The following PRIM2 variants were observed in gnomAD, a reference collection of about 807,000 sequenced individuals.
The protein encoded by PRIM2 is DNA primase large subunit.
Under a neutral mutation model 67.3 loss-of-function variants are expected in PRIM2, and 39 were observed. The observed-to-expected ratio is 0.58, with a 90% CI of 0.45 to 0.76. PRIM2 has a LOEUF of 0.76. Ranked by LOEUF, PRIM2 falls within the 30% of genes least tolerant of loss-of-function variation. The probability of loss-of-function intolerance (pLI) is 0.00; values close to 1 mark genes in which losing one functional copy is unlikely to be tolerated. For synonymous variants in PRIM2, 143 were observed against 198.7 expected, an observed-to-expected ratio of 0.72 and a Z score of 2.36; for missense variants, 398 against 598.7, an observed-to-expected ratio of 0.66 and a Z score of 3.50.
the PRIM2 span, among the ~76,000 whole-genome samples, chr6:57,258,136 G>A: frequency 6.6e-6 from 1 of 152,148 alleles, no homozygotes; most frequent in Non-Finnish European, 1.5e-5. Flanking sequence ...GAAGAAACAA[G>A]ACATTCGACT....
At chr6:57,479,997 G>T (rs1473236405) in intron 7 of PRIM2, among the ~76,000 whole-genome samples, 2 of 152,212 alleles carry the variant, frequency 1.3e-5, no homozygotes, top group African/African-American at 4.8e-5. Flanking sequence ...CAATTTGAAA[G>T]GGACCTGAGA....
intron 4 of PRIM2, among the ~76,000 whole-genome samples, chr6:57,324,979 A>T (rs1767796584): frequency 6.6e-6 from 1 of 152,178 alleles, no homozygotes; most frequent in Admixed American, 6.5e-5. Context: ...TATGTTGCTG[A>T]CAATCTGTGA....
At chr6:57,335,261 G>T (rs1265221912) in intron 5 of PRIM2, among the ~76,000 whole-genome samples, 10 of 151,580 alleles carry the variant, frequency 6.6e-5, no homozygotes, top group African/African-American at 9.7e-5. Flanking sequence ...AGATCAAACT[G>T]CAAGGCAGCA....
intron 10 of PRIM2, among the ~76,000 whole-genome samples, chr6:57,569,060 G>A (rs1410572893): frequency 6.6e-6 from 1 of 152,244 alleles, no homozygotes; most frequent in Non-Finnish European, 1.5e-5. Flanking sequence ...TTATGAGGGA[G>A]TACAGTGATG....
intron 5 of PRIM2, among the ~76,000 whole-genome samples, chr6:57,347,224 A>C (rs1162355622): frequency 4.6e-5 from 7 of 152,146 alleles, no homozygotes; most frequent in Non-Finnish European, 1.0e-4. Flanking sequence ...TTCTGTATGA[A>C]TATTGGAAAA....
chr6:57,495,359 A>G (rs1272609626), intron 7 of PRIM2, among the ~76,000 whole-genome samples: 2 of 152,246 alleles, frequency 1.3e-5, no homozygotes, highest in Non-Finnish European at 2.9e-5. Context: ...AACATTTTCA[A>G]CATCTACAAA....
intron 8 of PRIM2, among the ~76,000 whole-genome samples, chr6:57,513,052 A>G (rs1312419461): frequency 1.3e-5 from 2 of 152,174 alleles, no homozygotes; most frequent in East Asian, 1.9e-4. Context: ...TTAGACTTAC[A>G]ATAATATAAA....
chr6:57,297,989 AAGGTCGAT>A, the PRIM2 span, among the ~76,000 whole-genome samples: 1 of 152,224 alleles, frequency 6.6e-6, no homozygotes, highest in Non-Finnish European at 1.5e-5. Context: ...GGGATAGCTG[AAGGTCGAT>A]AGGTAATTTT....
the PRIM2 span, among the ~76,000 whole-genome samples, chr6:57,268,702 A>G: frequency 6.6e-6 from 1 of 151,742 alleles, no homozygotes; most frequent in Admixed American, 6.6e-5. Flanking sequence ...TTACATATGT[A>G]TACATGTGTC....
At chr6:57,332,460 A>G (rs939873135) in intron 5 of PRIM2, among the ~76,000 whole-genome samples, 6 of 152,130 alleles carry the variant, frequency 3.9e-5, no homozygotes, top group Non-Finnish European at 7.4e-5. Flanking sequence ...CATTATTGAA[A>G]GTGGGGTACT....
the PRIM2 span, among the ~76,000 whole-genome samples, chr6:57,254,534 C>G: frequency 1.3e-5 from 2 of 152,184 alleles, no homozygotes; most frequent in African/African-American, 4.8e-5. Context: ...AAAAGCTGAT[C>G]GAGCTAGTGC....
intron 7 of PRIM2, among the ~76,000 whole-genome samples, chr6:57,490,894 A>T (rs1466336237): frequency 1.3e-5 from 2 of 152,220 alleles, no homozygotes; most frequent in African/African-American, 4.8e-5. Flanking sequence ...GAGTCAATGC[A>T]TCTGGCCCGG....
At chr6:57,273,636 C>A in the PRIM2 span, among the ~76,000 whole-genome samples, 6 of 152,208 alleles carry the variant, frequency 3.9e-5, no homozygotes, top group Admixed American at 3.9e-4. Flanking sequence ...TCGTCAAAGT[C>A]ATTCTCCATC....
In PRIM2 at chr6:57,391,807, G is replaced by T. The variant is rs9357957; in HGVS notation, c.693+9639G>T. ...AAATTGGTAGTGTGATGCCTCAAGC[G>T]TTGTTCTTTCTGCTTAGGATTGCCT... On this transcript the variant is annotated intron_variant, in intron 7 of 13. Transcript: ENST00000615550. 3.9e-5 allele frequency among the ~76,000 whole-genome samples: 6 copies of T among 152,152 alleles called. No individual in the cohort carries two copies. In the East Asian group the frequency reaches 9.7e-4, roughly 25 times the overall value.
intron 7 of PRIM2, among the ~76,000 whole-genome samples, chr6:57,415,945 T>C (rs570765938): frequency 5.9e-5 from 9 of 152,196 alleles, no homozygotes; most frequent in Non-Finnish European, 1.3e-4. Flanking sequence ...ATTGAAGACT[T>C]GAACCCCTCA....
At chr6:57,610,511 C>T (rs1776648628) in intron 12 of PRIM2, among the ~76,000 whole-genome samples, 1 of 151,866 alleles carries the variant, frequency 6.6e-6, no homozygotes. Flanking sequence ...TAATATGTTA[C>T]AAAATCACTG....
intron 5 of PRIM2, among the ~76,000 whole-genome samples, chr6:57,378,356 G>A (rs12201527): frequency 1.3e-5 from 2 of 151,406 alleles, no homozygotes; most frequent in East Asian, 1.9e-4. Context: ...GTGAGCCACC[G>A]TGCCCAGCCT....
intron 7 of PRIM2, among the ~76,000 whole-genome samples, chr6:57,386,680 C>G (rs1309440858): frequency 1.3e-5 from 2 of 150,164 alleles, no homozygotes; most frequent in Non-Finnish European, 3.0e-5. Context: ...AGGAGGGAAG[C>G]GAAGGAGTTC....
chr6:57,456,890 T>A (rs1772807960), intron 7 of PRIM2, among the ~76,000 whole-genome samples: 1 of 152,230 alleles, frequency 6.6e-6, no homozygotes, highest in Admixed American at 6.5e-5. Context: ...CCAGTTTTTC[T>A]GCTCTGTTTT....
Sources: allele counts gnomAD v4.1 joint callset (sites outside exome capture counted in the v4.1 genomes callset), GRCh38; gene constraint gnomAD v4.1.1; transcripts MANE v1.5; gene names NCBI Gene and HGNC (gene_info 2026-07-23, HGNC 2026-07-21).